TET2: variants seen among roughly 807,000 people sequenced by gnomAD.
The protein encoded by TET2 is tet methylcytosine dioxygenase 2, also known as methylcytosine dioxygenase TET2.
A neutral mutation model predicts 142.9 loss-of-function variants in TET2; 299 were observed. The observed-to-expected ratio is 2.09, with a 90% CI of 1.90 to 2.30. The LOEUF is 2.30. TET2 is among the 30% of genes most tolerant of loss of function. TET2 has a pLI of 0.00. For synonymous variants in TET2, 819 were observed against 849.0 expected, an observed-to-expected ratio of 0.96 and a Z score of 0.61; for missense variants, 2,418 against 2,378.0, an observed-to-expected ratio of 1.02 and a Z score of -0.35.
chr4:105,201,732 CTTTTTTTTTTT>C (rs70964636), intron 2 of TET2, among the ~76,000 whole-genome samples: 4 of 63,052 alleles, frequency 6.3e-5, no homozygotes, highest in Admixed American at 2.5e-4. Context: ...CATCCAGGAC[CTTTTTTTTTTT>C]TTTTTTTTTT....
Position 105,276,843 on chromosome 4 carries a change from C to CCCCT in TET2, c.*327_*328insTCCC, listed in dbSNP as rs1731250205. On this transcript the variant is annotated 3_prime_UTR_variant, in exon 11 of 11. Coordinates refer to ENST00000380013, the MANE Select transcript of TET2 (RefSeq NM_001127208.3). ...GAGATGATATGTAAATGTGATCCCC[C>CCCCT]CCCCCCGCTTACAACTCTACACATC... 1 of 202,284 alleles carries CCCCT rather than the reference C, an allele frequency of 4.9e-6. No homozygotes were observed. Among genetic ancestry groups the CCCCT allele is most frequent in the African/African-American group, 2.7e-5 (1 of 36,856 alleles). The allele number at this position is 202,284 out of a possible 1,614,324, so 12.5% of individuals were successfully genotyped here.
chr4:105,168,337 T>A (rs1039506224), intron 1 of TET2, among the ~76,000 whole-genome samples: 1 of 152,174 alleles, frequency 6.6e-6, no homozygotes, highest in Non-Finnish European at 1.5e-5. Context: ...TCCCTCATTC[T>A]ATTCTAATTT....
In TET2 at chr4:105,235,289, G is replaced by A. The variant is rs757165115; in HGVS notation, c.1347G>A (p.Val449=). ...GTAACACAACACTTTTAAGGGAAGT[G>A]AAAATAGAGGGTAAACCTGAGGCAC... ...NQSNTTLLRE[V]KIEGKPEAPP... The change falls in exon 3 of 11, where the codon GTG becomes GTA. Residue 449 remains valine, a synonymous_variant. Coordinates refer to ENST00000380013, the MANE Select transcript of TET2 (RefSeq NM_001127208.3). 1 of 1,614,090 alleles carries A rather than the reference G, an allele frequency of 6.2e-7. No homozygotes were observed. The highest frequency in any genetic ancestry group is 1.7e-5 in the Admixed American group (1 of 60,006).
At chr4:105,217,976 TC>T (rs1310979142) in intron 2 of TET2, among the ~76,000 whole-genome samples, 2 of 152,052 alleles carry the variant, frequency 1.3e-5, no homozygotes, top group Admixed American at 1.3e-4. Context: ...ATTTTATCTC[TC>T]CCGCAGAGTT....
intron 1 of TET2, among the ~76,000 whole-genome samples, chr4:105,162,780 A>G (rs371071544): frequency 1.4e-4 from 21 of 152,196 alleles, no homozygotes; most frequent in African/African-American, 4.8e-4. Flanking sequence ...CCTATTACAT[A>G]TAGAAATACT....
At chr4:105,166,201 T>C (rs1470562382) in intron 1 of TET2, among the ~76,000 whole-genome samples, 2 of 152,166 alleles carry the variant, frequency 1.3e-5, no homozygotes, top group African/African-American at 2.4e-5. Flanking sequence ...AAAGTGATCC[T>C]GTGACACTAA....
rs534972387 is a variant in TET2 at position 105,154,655 on chromosome 4, A to T, written c.-193+7676A>T. ...TATATGACTTGGTAAAGAGGGCTTA[A>T]TGTATAGGTGCAAGAAACTTTCTCA... is the stretch of plus-strand genomic sequence containing the variant. On this transcript the variant is annotated intron_variant, in intron 1 of 10. Transcript: ENST00000380013. Among the ~76,000 whole-genome samples the T allele has an allele frequency of 1.5e-4, 23 of 152,342 alleles. 1 individual carries two copies. The South Asian group carries it at 4.8e-3, about 32-fold the overall frequency.
chr4:105,151,165 T>A (rs921574630), intron 1 of TET2, among the ~76,000 whole-genome samples: 2 of 151,344 alleles, frequency 1.3e-5, no homozygotes, highest in Admixed American at 1.3e-4. Context: ...ACAAAAAATT[T>A]AAAAAGTTAG....
At chr4:105,220,108 C>G (rs11944085) in intron 2 of TET2, among the ~76,000 whole-genome samples, 13,419 of 152,020 alleles carry the variant, frequency 0.088, 1,721 homozygotes, top group African/African-American at 0.28. Context: ...AATACCTTGA[C>G]AGATTATTTT....
chr4:105,237,671 T>C (rs1729038242), intron 3 of TET2: 2 of 1,358,242 alleles, frequency 1.5e-6, no homozygotes, highest in Admixed American at 3.5e-5. Context: ...TATTATCTCC[T>C]GGAGAGACAG....
chr4:105,274,967 T>C, intron 10 of TET2, 81 bp from the exon 11 acceptor site: 1 of 1,444,758 alleles, frequency 6.9e-7, no homozygotes, highest in Non-Finnish European at 9.1e-7. Context: ...TTACCTACAT[T>C]TAAGTATCCT....
rs1729432591 is a variant in TET2, at chr4:105,243,718, TTACC to T, written c.3744_3747del (p.Thr1249ArgfsTer3). 1 of 1,551,292 alleles carries T rather than the reference TTACC, an allele frequency of 6.4e-7. No individual in the cohort carries two copies. Among genetic ancestry groups the T allele is most frequent in the Admixed American group, 2.0e-5 (1 of 50,958 alleles). On this transcript the variant is annotated frameshift_variant, in exon 6 of 11. Coordinates refer to ENST00000380013, the MANE Select transcript of TET2 (RefSeq NM_001127208.3). LOFTEE classifies it high-confidence loss of function. Reference sequence around the variant, plus strand: ...CTGGCTGACAAACTCTACTCGGAGCTTACCGAGACGCTGAGGAAATACGGCACGC... The same window carrying T: ...CTGGCTGACAAACTCTACTCGGAGCTGAGACGCTGAGGAAATACGGCACGC...
intron 10 of TET2, among the ~76,000 whole-genome samples, chr4:105,274,154 A>G (rs993425401): frequency 5.9e-5 from 9 of 152,234 alleles, no homozygotes; most frequent in African/African-American, 1.9e-4. Context: ...TGTGAAATAT[A>G]ATTAGATAGA....
At chr4:105,155,486 A>AT (rs1302455922) in intron 1 of TET2, among the ~76,000 whole-genome samples, 2 of 152,366 alleles carry the variant, frequency 1.3e-5, no homozygotes, top group South Asian at 4.1e-4. Context: ...ATGAGTGCAG[A>AT]TTTTTAACAC....
intron 1 of TET2, among the ~76,000 whole-genome samples, chr4:105,173,698 T>C (rs552480474): frequency 6.6e-6 from 1 of 152,312 alleles, no homozygotes; most frequent in African/African-American, 2.4e-5. Flanking sequence ...ATTTGTTTTC[T>C]CTACTACTCA....
intron 6 of TET2, among the ~76,000 whole-genome samples, chr4:105,246,666 G>C (rs1729597539): frequency 6.6e-6 from 1 of 152,146 alleles, no homozygotes; most frequent in Non-Finnish European, 1.5e-5. Flanking sequence ...TTTATTTTAT[G>C]GCTGGCAGAA....
intron 2 of TET2, among the ~76,000 whole-genome samples, chr4:105,206,062 G>A (rs996715015): frequency 6.6e-6 from 1 of 152,106 alleles, no homozygotes; most frequent in Admixed American, 6.6e-5. Flanking sequence ...TCTTTTACTT[G>A]TCTTGGCCTC....
chr4:105,216,177 G>T (rs1441419787), intron 2 of TET2, among the ~76,000 whole-genome samples: 1 of 152,102 alleles, frequency 6.6e-6, no homozygotes, highest in Non-Finnish European at 1.5e-5. Context: ...TCTGGGGGAG[G>T]TAGAAGAGGA....
intron 7 of TET2, among the ~76,000 whole-genome samples, chr4:105,261,496 G>T (rs1450369681): frequency 6.6e-6 from 1 of 152,002 alleles, no homozygotes; most frequent in Non-Finnish European, 1.5e-5. Context: ...CCTACTCCTG[G>T]CACAGGCTTG....
Sources: gnomAD v4.1 joint callset for allele counts (sites outside exome capture counted in the v4.1 genomes callset) on GRCh38, gnomAD v4.1.1 for gene constraint, MANE v1.5 for transcripts, NCBI Gene and HGNC (gene_info 2026-07-23, HGNC 2026-07-21) for gene names.